RGPD2: variants seen among roughly 807,000 people sequenced by gnomAD.
RGPD2 encodes RANBP2-like and GRIP domain-containing protein 2.
RGPD2 carries 2 observed loss-of-function variants against 36.0 expected under a neutral mutation model. The ratio of observed to expected loss-of-function variants is 0.06; its 90% CI spans 0.02 to 0.17. The LOEUF (loss-of-function observed/expected upper bound fraction) is 0.17, where lower values mean the gene tolerates loss of function less well. Ranked by LOEUF, RGPD2 falls within the 10% of genes least tolerant of loss-of-function variation. The pLI, the probability that RGPD2 is intolerant of heterozygous loss-of-function variation, is 1.00. For synonymous variants in RGPD2, 19 were observed against 163.8 expected (o/e 0.12, Z 6.75); for missense variants, 40 against 464.3 (o/e 0.09, Z 8.40).
chr2:87,971,551 G>A, the RGPD2 span, among the ~76,000 whole-genome samples: 1 of 143,200 alleles, frequency 7.0e-6, no homozygotes, highest in Admixed American at 7.2e-5. Context: ...TCTGATATAT[G>A]TAAAATATTG....
the RGPD2 span, among the ~76,000 whole-genome samples, chr2:87,885,947 A>T: frequency 6.6e-5 from 10 of 152,020 alleles, no homozygotes; most frequent in African/African-American, 2.4e-4. Flanking sequence ...CAGGACAAAC[A>T]GTCTTGCTAA....
At chr2:87,939,268 G>A in the RGPD2 span, among the ~76,000 whole-genome samples, 395 of 151,402 alleles carry the variant, frequency 2.6e-3, no homozygotes, top group African/African-American at 9.3e-3. Context: ...TTTCAATGTG[G>A]ACTGGAAAAA....
At chr2:87,832,133 C>A in the RGPD2 span, among the ~76,000 whole-genome samples, 14 of 146,392 alleles carry the variant, frequency 9.6e-5, no homozygotes, top group Admixed American at 4.1e-4. Flanking sequence ...CATTCTGTAA[C>A]CTAAAGATGT....
chr2:87,957,236 T>TGA, the RGPD2 span, among the ~76,000 whole-genome samples: 5 of 116,242 alleles, frequency 4.3e-5, no homozygotes, highest in South Asian at 3.7e-4. Context: ...ACAAGGTCAC[T>TGA]GGGGGGGGGC....
the RGPD2 span, among the ~76,000 whole-genome samples, chr2:87,878,383 G>C: frequency 2.0e-5 from 3 of 148,166 alleles, no homozygotes; most frequent in Admixed American, 2.0e-4. Context: ...CATCAGGTTG[G>C]TTATGTTCCT....
the RGPD2 span, among the ~76,000 whole-genome samples, chr2:87,979,808 C>T: frequency 7.0e-6 from 1 of 143,742 alleles, no homozygotes; most frequent in African/African-American, 2.6e-5. Context: ...TAGCTTCAAC[C>T]CAGGAGGTGG....
At chr2:87,805,703 C>G (rs1685921004) in intron 7 of RGPD2, among the ~76,000 whole-genome samples, 1 of 151,974 alleles carries the variant, frequency 6.6e-6, no homozygotes, top group African/African-American at 2.4e-5. Flanking sequence ...ACTAAAAATA[C>G]AAAAAAATTA....
chr2:87,834,155 G>A, the RGPD2 span, among the ~76,000 whole-genome samples: 21 of 141,666 alleles, frequency 1.5e-4, no homozygotes, highest in South Asian at 2.3e-4. Context: ...ATCAATCAGC[G>A]TGATTCACCA....
chr2:87,986,309 A>G, the RGPD2 span, among the ~76,000 whole-genome samples: 1 of 149,710 alleles, frequency 6.7e-6, no homozygotes, highest in African/African-American at 2.5e-5. Context: ...TAATTTTTGT[A>G]TTTTTAGTAG....
chr2:87,917,092 C>G, the RGPD2 span, among the ~76,000 whole-genome samples: 10 of 151,694 alleles, frequency 6.6e-5, no homozygotes, highest in Non-Finnish European at 1.5e-4. Context: ...GTGGAGGACA[C>G]AACAATGACT....
At chr2:87,844,773 G>A in the RGPD2 span, among the ~76,000 whole-genome samples, 1 of 148,956 alleles carries the variant, frequency 6.7e-6, no homozygotes, top group Non-Finnish European at 1.5e-5. Context: ...CAATTTCATT[G>A]TTTCTTCAAA....
At chr2:87,937,721 G>A in the RGPD2 span, among the ~76,000 whole-genome samples, 91 of 152,044 alleles carry the variant, frequency 6.0e-4, no homozygotes, top group Non-Finnish European at 8.4e-4. Flanking sequence ...GGGGACAAAC[G>A]TCCAAACTAT....
At chr2:87,867,613 C>T in the RGPD2 span, among the ~76,000 whole-genome samples, 152 of 151,852 alleles carry the variant, frequency 1.0e-3, no homozygotes, top group African/African-American at 3.5e-3. Flanking sequence ...CATTAAGGTC[C>T]CAATTATGTT....
chr2:87,884,906 A>C, the RGPD2 span, among the ~76,000 whole-genome samples: 7 of 152,296 alleles, frequency 4.6e-5, no homozygotes, highest in Admixed American at 1.3e-4. Flanking sequence ...CAAAAAATTG[A>C]AGAGAAAAAG....
the RGPD2 span, among the ~76,000 whole-genome samples, chr2:87,965,050 C>A: frequency 6.7e-6 from 1 of 149,514 alleles, no homozygotes; most frequent in African/African-American, 2.4e-5. Context: ...ATGGAAGAAC[C>A]ACCTGACATG....
intron 22 of RGPD2, among the ~76,000 whole-genome samples, chr2:87,768,958 AT>A (rs1206545550): frequency 5.7e-4 from 1 of 1,768 alleles, no homozygotes; most frequent in African/African-American, 1.9e-3. Context: ...TGTAGTTTAC[AT>A]TTTTTTTTTT....
chr2:87,855,185 T>A, the RGPD2 span, among the ~76,000 whole-genome samples: 540 of 152,100 alleles, frequency 3.6e-3, 2 homozygotes, highest in Admixed American at 7.2e-3. Flanking sequence ...TCTCCACATT[T>A]CCCTTAGGCT....
At chr2:87,866,875 C>T in the RGPD2 span, among the ~76,000 whole-genome samples, 3 of 152,254 alleles carry the variant, frequency 2.0e-5, no homozygotes, top group Admixed American at 6.5e-5. Context: ...AGAGTCTTTC[C>T]TCCCCGGGCG....
chr2:87,769,622 C>A (rs937756230), intron 22 of RGPD2, among the ~76,000 whole-genome samples: 1 of 151,752 alleles, frequency 6.6e-6, no homozygotes, highest in African/African-American at 2.4e-5. Flanking sequence ...ACATGCTGAG[C>A]TTTTAAAAGA....
Sources: allele counts gnomAD v4.1 joint callset (sites outside exome capture counted in the v4.1 genomes callset), GRCh38; gene constraint gnomAD v4.1.1; transcripts MANE v1.5; gene names NCBI Gene and HGNC (gene_info 2026-07-23, HGNC 2026-07-21).